Variants in TAF8 observed in about 807,000 individuals in gnomAD.
TAF8 encodes the protein TATA-box binding protein associated factor 8.
A neutral mutation model predicts 36.5 loss-of-function variants in TAF8; 47 were observed. That is an observed-to-expected ratio of 1.29 (90% CI 1.02 to 1.64). TAF8 has a LOEUF of 1.64. TAF8 is among the 40% of genes most tolerant of loss of function. The pLI is 0.00. For synonymous variants in TAF8, 175 were observed against 159.5 expected, an observed-to-expected ratio of 1.10 and a Z score of -0.73; for missense variants, 420 against 407.6, an observed-to-expected ratio of 1.03 and a Z score of -0.26.
intron 7 of TAF8, among the ~76,000 whole-genome samples, chr6:42,074,679 C>T (rs1333925466): frequency 1.3e-5 from 2 of 152,072 alleles, no homozygotes; most frequent in Admixed American, 6.6e-5. Context: ...GGATTATAGG[C>T]GCCTACCACC....
At position 42,080,978 on chromosome 6, in the gene TAF8, C is replaced by G; in HGVS notation, c.*3433C>G. On this transcript the variant is annotated 3_prime_UTR_variant, in exon 9 of 9. Transcript: ENST00000372977. ...TGTGGACAAATAAGTCAGGCTTAGC[C>G]CTTGTGTTGGCCTAAGCACACCTGG... 1.0e-6 allele frequency: 1 copy of G among 985,100 alleles called. No homozygotes were observed. The highest frequency in any genetic ancestry group is 1.7e-5 in the African/African-American group (1 of 57,238). The allele number at this position is 985,100 out of a possible 1,614,324, so 61.0% of individuals were successfully genotyped here.
At position 42,082,221 on chromosome 6, in the gene TAF8, T is replaced by G. The variant is rs796946005; in HGVS notation, c.*4676T>G. Reference sequence around the variant, plus strand: ...CAGTACAGTTCTCCCTCATGCTGTCTCTTTGCAATCACATCCACCTCTCTG... The same window carrying G: ...CAGTACAGTTCTCCCTCATGCTGTCGCTTTGCAATCACATCCACCTCTCTG... On this transcript the variant is annotated 3_prime_UTR_variant, in exon 9 of 9. Coordinates refer to ENST00000372977, the MANE Select transcript of TAF8 (RefSeq NM_138572.3). 4.6e-5 allele frequency: 7 copies of G among 152,406 alleles called. No individual in the cohort carries two copies. The highest frequency in any genetic ancestry group is 1.7e-4 in the African/African-American group (7 of 41,590). 9.4% of individuals were successfully genotyped at this position (152,406 alleles called of 1,614,324 possible). A position where few individuals can be genotyped will look rare whatever the true frequency, so the allele number is the denominator to read the frequency against.
rs1765838709 is a variant in TAF8 at position 42,078,834 on chromosome 6, AAG to A, written c.*1292_*1293del. ...GAGCCATGGGGTTTAAACAGTAGGAAAGAGGGGCTACGCGCAGTGGCTCACGC... is the reference window on the plus strand; with the variant it reads ...GAGCCATGGGGTTTAAACAGTAGGAAAGGGGCTACGCGCAGTGGCTCACGC... On this transcript the variant is annotated 3_prime_UTR_variant, in exon 9 of 9. Transcript: ENST00000372977. 1.2e-5 allele frequency: 12 copies of A among 985,274 alleles called. No individual in the cohort carries two copies. Among genetic ancestry groups the A allele is most frequent in the African/African-American group, 1.7e-5 (1 of 57,222 alleles). The allele number at this position is 985,274 out of a possible 1,614,324, so 61.0% of individuals were successfully genotyped here.
chr6:42,058,332 A>G (rs1765077547), intron 5 of TAF8, among the ~76,000 whole-genome samples: 1 of 152,208 alleles, frequency 6.6e-6, no homozygotes, highest in African/African-American at 2.4e-5. Flanking sequence ...GTGAGCTGAG[A>G]TTGCGCCACT....
At chr6:42,074,992 C>T (rs1314381481) in intron 7 of TAF8, among the ~76,000 whole-genome samples, 3 of 152,100 alleles carry the variant, frequency 2.0e-5, no homozygotes, top group Non-Finnish European at 2.9e-5. Flanking sequence ...TGGAGGGAGC[C>T]TCTTGACCCT....
rs371265065 is a variant in TAF8 at position 42,066,349 on chromosome 6, G to A, written c.527G>A (p.Arg176Gln). The A allele has an allele frequency of 1.1e-5, 17 of 1,614,030 alleles. No individual in the cohort carries two copies. In the Admixed American group the frequency reaches 2.0e-4, roughly 19 times the overall value. Residue 176 changes from arginine to glutamine, a missense_variant, in exon 6 of 9, where the codon CGG (arginine) becomes CAG (glutamine). By Grantham distance (43) the Arg-to-Gln change is conservative (BLOSUM62 1). Coordinates refer to ENST00000372977, the MANE Select transcript of TAF8 (RefSeq NM_138572.3). ...REPVSDYQVL[R>Q]EKAASQRRDV... ...CCCGTGTCAGACTACCAGGTCCTGC[G>A]GGAGAAGGCTGCATCCCAGAGGCGC...
At position 42,078,744 on chromosome 6, in the gene TAF8, GA is replaced by G. The variant is rs1235408710; in HGVS notation, c.*1201del. 1 of 985,328 alleles carries G rather than the reference GA, an allele frequency of 1.0e-6. No homozygotes were observed. The highest frequency in any genetic ancestry group is 1.7e-5 in the African/African-American group (1 of 57,240). 61.0% of individuals were successfully genotyped at this position (985,328 alleles called of 1,614,324 possible). A position where few individuals can be genotyped will look rare whatever the true frequency, so the allele number is the denominator to read the frequency against. On this transcript the variant is annotated 3_prime_UTR_variant, in exon 9 of 9. Transcript: ENST00000372977. ...GAACTGCCAAGTCTTACCCCTTCTG[GA>G]AGAAGAGGTTTTCTCTGACAAGAGC...
intron 7 of TAF8, 56 bp from the exon 8 acceptor site, chr6:42,077,044 A>G: frequency 6.4e-7 from 1 of 1,555,744 alleles, no homozygotes; most frequent in South Asian, 1.2e-5. Flanking sequence ...AATTATAGGC[A>G]TGATCTCTTT....
In TAF8 at chr6:42,079,473, G is replaced by A; in HGVS notation, c.*1928G>A. On this transcript the variant is annotated 3_prime_UTR_variant, in exon 9 of 9. Coordinates refer to ENST00000372977, the MANE Select transcript of TAF8 (RefSeq NM_138572.3). ...AGGAAGAAAAATGTAACAACACGTGGAAGTGAACACTGGATGAATAAGCTT... is the reference window on the plus strand; with the variant it reads ...AGGAAGAAAAATGTAACAACACGTGAAAGTGAACACTGGATGAATAAGCTT... The A allele has an allele frequency of 1.0e-6, 1 of 985,408 alleles. No homozygotes were observed. Among genetic ancestry groups the A allele is most frequent in the Non-Finnish European group, 1.2e-6 (1 of 829,926 alleles). 61.0% of individuals were successfully genotyped at this position (985,408 alleles called of 1,614,324 possible).
intron 5 of TAF8, among the ~76,000 whole-genome samples, chr6:42,065,819 T>TA (rs1765342872): frequency 6.6e-6 from 1 of 152,244 alleles, no homozygotes; most frequent in East Asian, 1.9e-4. Flanking sequence ...TTAATGTAGT[T>TA]ACATTGTTTT....
chr6:42,084,925 A>G (rs2493841), downstream of TAF8, among the ~76,000 whole-genome samples: 130,051 of 152,164 alleles, frequency 0.85, 55,720 homozygotes, highest in East Asian at 0.92. Context: ...GAGCAGCAGA[A>G]TGGACTCCTT....
At chr6:42,077,266 G>A (rs1765783833) in intron 8 of TAF8, 27 bp downstream of exon 8, 1 of 1,604,636 alleles carries the variant, frequency 6.2e-7, no homozygotes. Context: ...GGTCCAGAGA[G>A]CCTTCACTGT....
At position 42,057,484 on chromosome 6, in the gene TAF8, C is replaced by G; in HGVS notation, c.460C>G (p.Pro154Ala). 2 of 1,614,136 alleles carry G rather than the reference C, an allele frequency of 1.2e-6. No homozygotes were observed. The highest frequency in any genetic ancestry group is 1.7e-6 in the Non-Finnish European group (2 of 1,180,034). The change falls in exon 5 of 9, where the codon CCT becomes GCT. Residue 154 changes from proline (P) to alanine (A), a missense_variant. Physicochemically the swap from Pro to Ala is conservative, Grantham distance 27 (BLOSUM62 -1). Coordinates refer to ENST00000372977, the MANE Select transcript of TAF8 (RefSeq NM_138572.3). ...CATCCCCAGCCATTTTCCTGAGTTCCCTGATCCCCACACCTACATCAAAAC... is the reference window on the plus strand; with the variant it reads ...CATCCCCAGCCATTTTCCTGAGTTCGCTGATCCCCACACCTACATCAAAAC... ...PHIPSHFPEF[P>A]DPHTYIKTPT...
In TAF8 at chr6:42,080,993, A is replaced by G; in HGVS notation, c.*3448A>G. 2 of 984,914 alleles carry G rather than the reference A, an allele frequency of 2.0e-6. No individual in the cohort carries two copies. The highest frequency in any genetic ancestry group is 2.4e-6 in the Non-Finnish European group (2 of 829,432). 61.0% of individuals were successfully genotyped at this position (984,914 alleles called of 1,614,324 possible). ...CAGGCTTAGCCCTTGTGTTGGCCTA[A>G]GCACACCTGGGAACTTAGTAAAACT... On this transcript the variant is annotated 3_prime_UTR_variant, in exon 9 of 9. Coordinates refer to ENST00000372977, the MANE Select transcript of TAF8 (RefSeq NM_138572.3).
At position 42,050,551 on chromosome 6, in the gene TAF8, G is replaced by A. The variant is rs1050521943; in HGVS notation, c.10G>A (p.Ala4Thr). 6.6e-7 allele frequency: 1 copy of A among 1,512,222 alleles called. No homozygotes were observed. The highest frequency in any genetic ancestry group is 8.9e-7 in the Non-Finnish European group (1 of 1,123,360). 93.7% of individuals were successfully genotyped at this position (1,512,222 alleles called of 1,614,324 possible). ...ACTACGCCAGAACAAGATGGCCGAC[G>A]CGGCGGCCACAGCTGGGGCCGGTGG... MAD[A>T]AATAGAGGSG... is the part of the protein sequence containing the mutation. Residue 4 changes from alanine to threonine, a missense_variant, in exon 1 of 9, where the codon GCG becomes ACG. Coordinates refer to ENST00000372977, the MANE Select transcript of TAF8 (RefSeq NM_138572.3).
chr6:42,055,777 G>A, intron 3 of TAF8, 148 bp downstream of exon 3: 1 of 775,902 alleles, frequency 1.3e-6, no homozygotes. Context: ...AGATTCCTCT[G>A]AACACATCTA....
chr6:42,054,269 C>G (rs1295561675), intron 2 of TAF8, among the ~76,000 whole-genome samples: 2 of 152,040 alleles, frequency 1.3e-5, no homozygotes, highest in African/African-American at 4.8e-5. Flanking sequence ...CAGCTTCAGG[C>G]AGAAGAAAGA....
intron 5 of TAF8, 95 bp from the exon 6 acceptor site, chr6:42,066,217 T>G (rs1765354567): frequency 1.3e-6 from 2 of 1,510,004 alleles, no homozygotes; most frequent in Non-Finnish European, 1.8e-6. Flanking sequence ...TGGGTCATTT[T>G]AGAGAACAGG....
Position 42,079,678 on chromosome 6 carries a change from AG to A in TAF8, c.*2134del. On this transcript the variant is annotated 3_prime_UTR_variant, in exon 9 of 9. Transcript: ENST00000372977. ...CCCGGGTTCAAGCAATTCTCAGAGT[AG>A]CTGGGATTACAGATGCCCGCCACCA... 1.1e-5 allele frequency: 8 copies of A among 714,268 alleles called. No individual in the cohort carries two copies. Among genetic ancestry groups the A allele is most frequent in the Non-Finnish European group, 1.2e-5 (7 of 583,924 alleles). 44.2% of individuals were successfully genotyped at this position (714,268 alleles called of 1,614,324 possible).
Sources: allele counts gnomAD v4.1 joint callset (sites outside exome capture counted in the v4.1 genomes callset), GRCh38; gene constraint gnomAD v4.1.1; transcripts MANE v1.5; gene names NCBI Gene and HGNC (gene_info 2026-07-23, HGNC 2026-07-21).